Variants in RIT2 observed in about 807,000 individuals in gnomAD.
RIT2 encodes the protein GTP-binding protein Rit2.
Under a neutral mutation model 23.7 loss-of-function variants are expected in RIT2, and 24 were observed. That is an observed-to-expected ratio of 1.01 (90% CI 0.73 to 1.43). RIT2 has a LOEUF of 1.43. Ranked by LOEUF, RIT2 falls within the 40% of genes most tolerant of loss-of-function variation. RIT2 has a pLI of 0.00. For synonymous variants in RIT2, 107 were observed against 91.1 expected (o/e 1.17, Z -0.99); for missense variants, 236 against 266.9 (o/e 0.88, Z 0.81).
chr18:42,786,744 T>A (rs973898410), intron 4 of RIT2, among the ~76,000 whole-genome samples: 1 of 152,100 alleles, frequency 6.6e-6, no homozygotes, highest in Non-Finnish European at 1.5e-5. Context: ...ACATAATAAA[T>A]CTCAATGCTA....
intron 4 of RIT2, among the ~76,000 whole-genome samples, chr18:42,767,642 G>A (rs1420126876): frequency 3.3e-5 from 5 of 152,122 alleles, no homozygotes; most frequent in Non-Finnish European, 7.3e-5. Flanking sequence ...TGCAATGTGA[G>A]GACATGAGAT....
intron 4 of RIT2, among the ~76,000 whole-genome samples, chr18:42,848,631 C>T (rs1336628374): frequency 6.6e-6 from 1 of 152,166 alleles, no homozygotes; most frequent in Non-Finnish European, 1.5e-5. Context: ...GTACTATGAA[C>T]TAGCCCAGGT....
intron 4 of RIT2, among the ~76,000 whole-genome samples, chr18:42,898,999 T>G (rs1448590698): frequency 1.3e-5 from 2 of 152,072 alleles, no homozygotes; most frequent in Non-Finnish European, 2.9e-5. Context: ...CCTTTAAGAG[T>G]CTTCATTGTG....
chr18:42,769,531 T>A (rs1300121769), intron 4 of RIT2, among the ~76,000 whole-genome samples: 1 of 152,128 alleles, frequency 6.6e-6, no homozygotes, highest in African/African-American at 2.4e-5. Context: ...TCATATTTTG[T>A]ACCAAATTTC....
chr18:42,898,696 G>A lies in RIT2; in HGVS notation c.426+24876C>T, dbSNP rs535106475. On this transcript the variant is annotated intron_variant, in intron 4 of 4. Transcript: ENST00000326695. ...TTTCCTGCTCCAGAATCCGATTCTG[G>A]TTTACGGATTCCATGTGATCATCAC... Among the ~76,000 whole-genome samples, 54 of 152,152 alleles carry A rather than the reference G, an allele frequency of 3.5e-4. 1 individual carries two copies. The highest frequency in any genetic ancestry group is 1.3e-3 in the African/African-American group (52 of 41,522).
At chr18:43,032,737 T>C (rs1464663681) in intron 2 of RIT2, among the ~76,000 whole-genome samples, 1 of 152,116 alleles carries the variant, frequency 6.6e-6, no homozygotes, top group Non-Finnish European at 1.5e-5. Flanking sequence ...GATGAGGTGG[T>C]CTTAATAAAT....
intron 4 of RIT2, among the ~76,000 whole-genome samples, chr18:42,786,208 A>G (rs554346728): frequency 1.6e-4 from 25 of 152,162 alleles, no homozygotes; most frequent in Non-Finnish European, 2.9e-4. Context: ...CCAAGTTAAG[A>G]CTTTTGGTCT....
At chr18:42,831,193 G>A (rs1906447392) in intron 4 of RIT2, among the ~76,000 whole-genome samples, 1 of 152,050 alleles carries the variant, frequency 6.6e-6, no homozygotes, top group Non-Finnish European at 1.5e-5. Context: ...TCTTTTCTTT[G>A]TGTATACTAT....
intron 4 of RIT2, among the ~76,000 whole-genome samples, chr18:42,760,522 G>C (rs1466168918): frequency 1.3e-5 from 2 of 152,160 alleles, no homozygotes; most frequent in African/African-American, 4.8e-5. Context: ...AAGCAGCTGA[G>C]AACATAGTCT....
At chr18:42,798,979 C>T (rs928702849) in intron 4 of RIT2, among the ~76,000 whole-genome samples, 5 of 152,178 alleles carry the variant, frequency 3.3e-5, no homozygotes, top group Non-Finnish European at 2.9e-5. Context: ...TGCAGCCAGT[C>T]TCATTGCATA....
At chr18:42,780,912 T>C (rs2143931650) in intron 4 of RIT2, among the ~76,000 whole-genome samples, 1 of 152,046 alleles carries the variant, frequency 6.6e-6, no homozygotes, top group East Asian at 1.9e-4. Context: ...ACACATTCAA[T>C]TTTCACAATG....
At chr18:42,977,992 GTTGT>G (rs1190064751) in intron 2 of RIT2, among the ~76,000 whole-genome samples, 2 of 151,708 alleles carry the variant, frequency 1.3e-5, no homozygotes, top group East Asian at 3.9e-4. Flanking sequence ...GATGCATGGG[GTTGT>G]TTTTCAATTT....
chr18:43,025,580 A>T (rs1911697785), intron 2 of RIT2, among the ~76,000 whole-genome samples: 1 of 152,102 alleles, frequency 6.6e-6, no homozygotes, highest in Non-Finnish European at 1.5e-5. Context: ...CATATATTTG[A>T]CATATCTATA....
chr18:42,930,576 G>A (rs1434359146), intron 3 of RIT2, among the ~76,000 whole-genome samples: 1 of 152,000 alleles, frequency 6.6e-6, no homozygotes, highest in Non-Finnish European at 1.5e-5. Context: ...ATTAAATATG[G>A]TTCCAGTTTT....
chr18:42,883,607 G>T (rs777238431), intron 4 of RIT2, among the ~76,000 whole-genome samples: 1 of 151,970 alleles, frequency 6.6e-6, no homozygotes, highest in African/African-American at 2.4e-5. Context: ...ACGCCCCCAC[G>T]CTATTTTCAG....
intron 4 of RIT2, among the ~76,000 whole-genome samples, chr18:42,822,582 C>G (rs2143994620): frequency 6.6e-6 from 1 of 152,250 alleles, no homozygotes; most frequent in East Asian, 1.9e-4. Flanking sequence ...TGAAAGCACA[C>G]TAAATGGAGT....
chr18:42,964,612 T>C (rs1316330186), intron 3 of RIT2, among the ~76,000 whole-genome samples: 2 of 152,176 alleles, frequency 1.3e-5, no homozygotes, highest in Non-Finnish European at 2.9e-5. Flanking sequence ...AACGACTATG[T>C]TTTCCTACTC....
chr18:42,956,461 A>C (rs1909972178), intron 3 of RIT2, among the ~76,000 whole-genome samples: 1 of 152,116 alleles, frequency 6.6e-6, no homozygotes, highest in South Asian at 2.1e-4. Context: ...GTGGAATGAG[A>C]TGAAGGTTAG....
Position 42,833,924 on chromosome 18 carries a change from G to C in RIT2, c.426+89648C>G, listed in dbSNP as rs184209084. 2.2e-4 allele frequency among the ~76,000 whole-genome samples: 33 copies of C among 152,260 alleles called. 1 individual carries two copies. The East Asian group carries it at 6.0e-3, about 28-fold the overall frequency. On this transcript the variant is annotated intron_variant, in intron 4 of 4. Transcript: ENST00000326695. ...AAAAGGATTAGCTTTGTGAAGAGGG[G>C]AAGGGAGAAGAAACATTATGTTGTT...
Sources: gnomAD v4.1 joint callset for allele counts (sites outside exome capture counted in the v4.1 genomes callset) on GRCh38, gnomAD v4.1.1 for gene constraint, MANE v1.5 for transcripts, NCBI Gene and HGNC (gene_info 2026-07-23, HGNC 2026-07-21) for gene names.